Variants in LDLRAD4 observed in about 807,000 individuals in gnomAD.
LDLRAD4 encodes the protein low-density lipoprotein receptor class A domain-containing protein 4.
Under a neutral mutation model 17.0 loss-of-function variants are expected in LDLRAD4, and 5 were observed. The observed-to-expected ratio is 0.29, with a 90% confidence interval of 0.15 to 0.62. The LOEUF (loss-of-function observed/expected upper bound fraction) is 0.62. Among genes scored for constraint, LDLRAD4 ranks in the 20% least tolerant of loss-of-function variants. LDLRAD4 has a pLI of 0.84. For missense variants in LDLRAD4, 340 were observed against 424.7 expected (o/e 0.80, Z 1.75); for synonymous variants, 168 against 171.8 (o/e 0.98, Z 0.17).
At chr18:13,388,283 C>T (rs977323664) in intron 2 of LDLRAD4, among the ~76,000 whole-genome samples, 10 of 152,338 alleles carry the variant, frequency 6.6e-5, no homozygotes, top group African/African-American at 2.4e-4. Context: ...CCCTGGCTGG[C>T]AGTTTGTAGG....
intron 3 of LDLRAD4, among the ~76,000 whole-genome samples, chr18:13,560,536 G>A (rs1286236217): frequency 1.3e-5 from 2 of 152,212 alleles, no homozygotes; most frequent in African/African-American, 4.8e-5. Flanking sequence ...AGATGACCTG[G>A]TAGGGCTCTG....
chr18:13,333,229 T>C (rs1257431880), intron 1 of LDLRAD4, among the ~76,000 whole-genome samples: 1 of 152,260 alleles, frequency 6.6e-6, no homozygotes, highest in Non-Finnish European at 1.5e-5. Context: ...AGACTATCTG[T>C]TAAAGTCTTT....
intron 2 of LDLRAD4, among the ~76,000 whole-genome samples, chr18:13,410,031 T>G (rs1406286996): frequency 6.6e-6 from 1 of 152,186 alleles, no homozygotes; most frequent in Non-Finnish European, 1.5e-5. Flanking sequence ...CTCTGTGGTG[T>G]TCTTCCCAGT....
Position 13,374,664 on chromosome 18 carries a change from T to C in LDLRAD4, c.-382-12677T>C, listed in dbSNP as rs1251046559. 2.0e-5 allele frequency among the ~76,000 whole-genome samples: 3 copies of C among 152,186 alleles called. No individual in the cohort carries two copies. In the South Asian group the frequency reaches 6.2e-4, roughly 32 times the overall value. On this transcript the variant is annotated intron_variant, in intron 1 of 5. Transcript: ENST00000359446. ...AGAGTCCTGCCCCAGCCCCGACAGA[T>C]AGTGATTCAATTGGTCTGGGGTGAT...
intron 3 of LDLRAD4, among the ~76,000 whole-genome samples, chr18:13,455,733 G>A (rs2092097679): frequency 6.6e-6 from 1 of 152,240 alleles, no homozygotes; most frequent in South Asian, 2.1e-4. Context: ...CGGGGGCTTG[G>A]CAACCTCCCC....
At chr18:13,392,908 C>T (rs1349175433) in intron 2 of LDLRAD4, among the ~76,000 whole-genome samples, 2 of 152,118 alleles carry the variant, frequency 1.3e-5, no homozygotes, top group Non-Finnish European at 2.9e-5. Flanking sequence ...AGTTAGTAGT[C>T]TTTGTCTGAA....
intron 4 of LDLRAD4, among the ~76,000 whole-genome samples, chr18:13,627,081 C>A (rs2041237810): frequency 6.6e-6 from 1 of 152,146 alleles, no homozygotes; most frequent in African/African-American, 2.4e-5. Flanking sequence ...ACCAGCCCAG[C>A]CAACATGGTG....
intron 2 of LDLRAD4, among the ~76,000 whole-genome samples, chr18:13,415,979 G>A (rs1324256579): frequency 6.6e-6 from 1 of 152,228 alleles, no homozygotes; most frequent in Non-Finnish European, 1.5e-5. Flanking sequence ...GGTGACTTGC[G>A]TCGTAGGAGA....
At chr18:13,354,105 AAGTTG>A (rs1438101827) in intron 1 of LDLRAD4, among the ~76,000 whole-genome samples, 2 of 152,062 alleles carry the variant, frequency 1.3e-5, no homozygotes, top group Non-Finnish European at 2.9e-5. Context: ...GCTGCTTGGG[AAGTTG>A]AGTTGGGATG....
intron 3 of LDLRAD4, among the ~76,000 whole-genome samples, chr18:13,590,019 A>C (rs2094991439): frequency 7.1e-6 from 1 of 140,194 alleles, no homozygotes; most frequent in Non-Finnish European, 1.5e-5. Flanking sequence ...GTGGCTGTGC[A>C]TGTGTATGGG....
At chr18:13,307,644 C>A (rs781297629) in intron 1 of LDLRAD4, among the ~76,000 whole-genome samples, 3 of 152,130 alleles carry the variant, frequency 2.0e-5, no homozygotes, top group Non-Finnish European at 4.4e-5. Context: ...GTCTCAAACT[C>A]CTGGCCTCAA....
intron 3 of LDLRAD4, among the ~76,000 whole-genome samples, chr18:13,606,523 G>A (rs563617436): frequency 6.6e-6 from 1 of 152,298 alleles, no homozygotes; most frequent in East Asian, 1.9e-4. Context: ...AGACGACAGG[G>A]CTGGTGGGAG....
intron 4 of LDLRAD4, among the ~76,000 whole-genome samples, chr18:13,625,840 C>G (rs1193184089): frequency 1.5e-5 from 2 of 137,680 alleles, no homozygotes; most frequent in East Asian, 2.2e-4. Context: ...CTCCTCCCCC[C>G]ACCAGAGCCC....
chr18:13,586,862 TAAAAA>T (rs61241675), intron 3 of LDLRAD4, among the ~76,000 whole-genome samples: 1 of 104,210 alleles, frequency 9.6e-6, no homozygotes, highest in East Asian at 2.7e-4. Flanking sequence ...ACTCTGAATC[TAAAAA>T]AAAAAAAAAA....
At chr18:13,611,703 T>C (rs1323437553) in intron 3 of LDLRAD4, 2 of 985,270 alleles carry the variant, frequency 2.0e-6, no homozygotes, top group Non-Finnish European at 2.4e-6. Flanking sequence ...GGAGTCTCTG[T>C]GGTGTTTTTG....
At chr18:13,511,748 C>T (rs2093783414) in intron 3 of LDLRAD4, among the ~76,000 whole-genome samples, 1 of 152,174 alleles carries the variant, frequency 6.6e-6, no homozygotes, top group South Asian at 2.1e-4. Context: ...CGGAACAGCC[C>T]CAGCATTGGT....
intron 3 of LDLRAD4, among the ~76,000 whole-genome samples, chr18:13,566,608 G>A (rs1005500774): frequency 1.5e-4 from 23 of 152,092 alleles, no homozygotes; most frequent in African/African-American, 5.1e-4. Flanking sequence ...TGATCCACCC[G>A]CCTTGGCCTC....
At position 13,503,116 on chromosome 18, in the gene LDLRAD4, T is replaced by C. The variant is rs1035566813; in HGVS notation, c.181+64732T>C. ...TTTATCTATGGCCACCATCAACCGA[T>C]GTTGTGTGATAAAACGTTTAAAGTA... On this transcript the variant is annotated intron_variant, in intron 3 of 5. Transcript: ENST00000359446. Among the ~76,000 whole-genome samples, 6 of 151,392 alleles carry C rather than the reference T, an allele frequency of 4.0e-5. No individual in the cohort carries two copies. In the East Asian group the frequency reaches 1.2e-3, roughly 29 times the overall value.
At chr18:13,505,994 C>A (rs1414793308) in intron 3 of LDLRAD4, among the ~76,000 whole-genome samples, 1 of 152,108 alleles carries the variant, frequency 6.6e-6, no homozygotes, top group Admixed American at 6.5e-5. Flanking sequence ...TGTCACACTC[C>A]CTCCTCAGTG....
Sources: gnomAD v4.1 joint callset for allele counts (sites outside exome capture counted in the v4.1 genomes callset) on GRCh38, gnomAD v4.1.1 for gene constraint, MANE v1.5 for transcripts, NCBI Gene and HGNC (gene_info 2026-07-23, HGNC 2026-07-21) for gene names.